MDGA2: variants seen among roughly 807,000 people sequenced by gnomAD.
MDGA2 encodes MAM domain-containing glycosylphosphatidylinositol anchor protein 2.
In MDGA2, 40 loss-of-function variants were observed where a neutral mutation model predicts 117.8. The observed-to-expected ratio is 0.34, with a 90% CI of 0.26 to 0.44. The LOEUF (loss-of-function observed/expected upper bound fraction) is 0.44, where lower values mean the gene tolerates loss of function less well. MDGA2 is among the 20% of genes least tolerant of loss of function. MDGA2 has a pLI of 1.00. For missense variants in MDGA2, 1,123 were observed against 1,250.6 expected (o/e 0.90, Z 1.54); for synonymous variants, 452 against 439.0 (o/e 1.03, Z -0.37).
At chr14:47,427,268 A>G (rs894503403) in intron 1 of MDGA2, among the ~76,000 whole-genome samples, 6 of 152,002 alleles carry the variant, frequency 3.9e-5, no homozygotes, top group Non-Finnish European at 7.4e-5. Context: ...TCCCACATCC[A>G]CCTCCAAAGC....
intron 1 of MDGA2, among the ~76,000 whole-genome samples, chr14:47,652,212 G>T (rs1897658823): frequency 6.6e-6 from 1 of 152,164 alleles, no homozygotes; most frequent in African/African-American, 2.4e-5. Flanking sequence ...TTATCTGCTA[G>T]AAAGTATTAT....
intron 9 of MDGA2, among the ~76,000 whole-genome samples, chr14:46,929,944 T>A (rs527788992): frequency 1.3e-5 from 2 of 151,468 alleles, no homozygotes; most frequent in Non-Finnish European, 2.9e-5. Context: ...CCCATGATTA[T>A]ATAATTTGAG....
intron 6 of MDGA2, among the ~76,000 whole-genome samples, chr14:47,081,493 C>A (rs1890706107): frequency 6.6e-6 from 1 of 152,050 alleles, no homozygotes. Context: ...TAGTTTTTTT[C>A]TCCAAGGTCA....
intron 14 of MDGA2, among the ~76,000 whole-genome samples, chr14:46,870,148 T>A (rs574311625): frequency 6.6e-6 from 1 of 152,112 alleles, no homozygotes; most frequent in African/African-American, 2.4e-5. Context: ...TTGCAAATAA[T>A]AAGTAATGCA....
At chr14:47,315,726 A>G (rs999523229) in intron 1 of MDGA2, among the ~76,000 whole-genome samples, 1 of 152,116 alleles carries the variant, frequency 6.6e-6, no homozygotes, top group Admixed American at 6.6e-5. Flanking sequence ...TGGCAAGGCC[A>G]CTTTTAGTGG....
chr14:46,987,099 C>T (rs1176567245), intron 8 of MDGA2, among the ~76,000 whole-genome samples: 2 of 152,076 alleles, frequency 1.3e-5, no homozygotes, highest in Admixed American at 6.6e-5. Flanking sequence ...GACACTAAAA[C>T]ACGTAACATA....
In MDGA2 at chr14:47,517,799, C is replaced by A. The variant is rs1209236574; in HGVS notation, c.280+156718G>T. 4.6e-5 allele frequency among the ~76,000 whole-genome samples: 7 copies of A among 152,142 alleles called. No individual in the cohort carries two copies. The East Asian group carries it at 1.3e-3, about 29-fold the overall frequency. ...AAAAAATGTTTAATAACCTAATTTA[C>A]ATGAGTTCATTTGTTCCTATTTATG... On this transcript the variant is annotated intron_variant, in intron 1 of 16. Coordinates refer to ENST00000399232, the MANE Select transcript of MDGA2 (RefSeq NM_001113498.3).
At chr14:47,667,747 G>A (rs1386411300) in intron 1 of MDGA2, among the ~76,000 whole-genome samples, 1 of 152,146 alleles carries the variant, frequency 6.6e-6, no homozygotes, top group East Asian at 1.9e-4. Context: ...CCTCTTTCAG[G>A]AAGATGTGTT....
intron 1 of MDGA2, among the ~76,000 whole-genome samples, chr14:47,619,315 C>A (rs1270396749): frequency 6.6e-6 from 1 of 152,138 alleles, no homozygotes; most frequent in Non-Finnish European, 1.5e-5. Context: ...AAATTGTACT[C>A]TTTATGGTAC....
intron 1 of MDGA2, among the ~76,000 whole-genome samples, chr14:47,312,410 A>G (rs1889663898): frequency 6.6e-6 from 1 of 152,128 alleles, no homozygotes; most frequent in Admixed American, 6.6e-5. Context: ...CCCTACTTTC[A>G]GTGGTAAAGA....
intron 7 of MDGA2, among the ~76,000 whole-genome samples, chr14:47,042,422 A>T (rs1399350971): frequency 5.3e-5 from 8 of 150,794 alleles, no homozygotes; most frequent in African/African-American, 2.0e-4. Flanking sequence ...GATGAGTTTC[A>T]TCTTTGGTGA....
At chr14:47,207,154 G>A (rs1418419854) in intron 3 of MDGA2, among the ~76,000 whole-genome samples, 2 of 151,886 alleles carry the variant, frequency 1.3e-5, no homozygotes, top group Non-Finnish European at 2.9e-5. Context: ...CTCTGTAGGA[G>A]TTTACAAGAC....
intron 15 of MDGA2, among the ~76,000 whole-genome samples, chr14:46,852,181 A>G (rs1881085306): frequency 6.6e-6 from 1 of 151,884 alleles, no homozygotes; most frequent in Non-Finnish European, 1.5e-5. Flanking sequence ...ATTTACAAAT[A>G]CAGATTGTTC....
intron 1 of MDGA2, among the ~76,000 whole-genome samples, chr14:47,506,116 A>G (rs890779320): frequency 1.8e-4 from 28 of 152,132 alleles, no homozygotes; most frequent in African/African-American, 6.5e-4. Flanking sequence ...TATTGTCTGG[A>G]ATGATCAGCA....
chr14:47,296,692 T>C (rs562608457), intron 2 of MDGA2, among the ~76,000 whole-genome samples: 1 of 152,324 alleles, frequency 6.6e-6, no homozygotes, highest in South Asian at 2.1e-4. Context: ...AATAATTCCA[T>C]TTTGAGGAAG....
intron 2 of MDGA2, among the ~76,000 whole-genome samples, chr14:47,218,617 C>G (rs990456223): frequency 2.4e-4 from 36 of 151,902 alleles, no homozygotes; most frequent in Non-Finnish European, 2.5e-4. Flanking sequence ...TTTGGACATG[C>G]CTCATTCTTT....
intron 1 of MDGA2, among the ~76,000 whole-genome samples, chr14:47,462,309 G>C (rs78127648): frequency 0.12 from 18,425 of 150,022 alleles, 1,278 homozygotes; most frequent in Non-Finnish European, 0.13. Context: ...CTGGGAAGCG[G>C]AGCTTGCAGT....
chr14:47,222,291 T>G (rs1204832747), intron 2 of MDGA2, among the ~76,000 whole-genome samples: 1 of 151,936 alleles, frequency 6.6e-6, no homozygotes, highest in Admixed American at 6.6e-5. Context: ...GGAGTGATAA[T>G]ATTTATATAT....
intron 1 of MDGA2, among the ~76,000 whole-genome samples, chr14:47,342,454 C>T (rs1890658957): frequency 1.3e-5 from 2 of 151,832 alleles, no homozygotes; most frequent in East Asian, 1.9e-4. Context: ...GAGATTCAAA[C>T]GTTAGTATCT....
Sources: allele counts gnomAD v4.1 joint callset (sites outside exome capture counted in the v4.1 genomes callset), GRCh38; gene constraint gnomAD v4.1.1; transcripts MANE v1.5; gene names NCBI Gene and HGNC (gene_info 2026-07-23, HGNC 2026-07-21).